Variants in APOC3 observed in about 807,000 individuals in gnomAD.
The protein encoded by APOC3 is apolipoprotein C3.
A neutral mutation model predicts 7.3 loss-of-function variants in APOC3; 6 were observed. The observed-to-expected ratio is 0.82, with a 90% CI of 0.45 to 1.61. The LOEUF (loss-of-function observed/expected upper bound fraction) is 1.61. APOC3 is among the 40% of genes most tolerant of loss of function. The probability of loss-of-function intolerance (pLI) is 0.01; values close to 1 mark genes in which losing one functional copy is unlikely to be tolerated. For synonymous variants in APOC3, 45 were observed against 51.2 expected (o/e 0.88, Z 0.52); for missense variants, 123 against 124.9 (o/e 0.98, Z 0.07).
At chr11:116,830,074 G>GC in intron 1 of APOC3, 134 bp downstream of exon 1, 1 of 194,834 alleles carries the variant, frequency 5.1e-6, no homozygotes, top group Non-Finnish European at 1.1e-5. Context: ...CTGGACGGGT[G>GC]CCCCCCACCC....
intron 2 of APOC3, 33 bp from the exon 3 acceptor site, chr11:116,830,740 G>A (rs763606461): frequency 9.3e-6 from 15 of 1,613,168 alleles, no homozygotes; most frequent in Admixed American, 3.3e-5. Flanking sequence ...TCCAGAGGCC[G>A]ATCCACCCCA....
At chr11:116,830,687 G>T in intron 2 of APOC3, 50 bp downstream of exon 2, 1 of 1,613,286 alleles carries the variant, frequency 6.2e-7, no homozygotes, top group South Asian at 1.1e-5. Flanking sequence ...GCAACTTGGG[G>T]ATCCCAGTCC....
At chr11:116,832,030 T>C (rs746755234) in intron 3 of APOC3, among the ~76,000 whole-genome samples, 1 of 152,202 alleles carries the variant, frequency 6.6e-6, no homozygotes, top group Non-Finnish European at 1.5e-5. Context: ...ACCCCTGGGC[T>C]AGGGGTTTGC....
At chr11:116,831,751 C>T (rs572252158) in intron 3 of APOC3, among the ~76,000 whole-genome samples, 1 of 152,296 alleles carries the variant, frequency 6.6e-6, no homozygotes, top group South Asian at 2.1e-4. Flanking sequence ...GACAATTTTT[C>T]CATGGGCCAG....
intron 1 of APOC3, 177 bp from the exon 2 acceptor site, chr11:116,830,393 T>C: frequency 1.5e-6 from 1 of 673,380 alleles, no homozygotes; most frequent in South Asian, 1.8e-5. Flanking sequence ...CCTTTGGGCC[T>C]CGATCCCTCG....
At chr11:116,832,634 C>A in intron 3 of APOC3, 130 bp from the exon 4 acceptor site, 2 of 1,342,928 alleles carry the variant, frequency 1.5e-6, no homozygotes, top group South Asian at 2.4e-5. Context: ...TCAGGGCTGT[C>A]GTCCAGTGAA....
intron 3 of APOC3, among the ~76,000 whole-genome samples, chr11:116,832,480 C>T (rs1941473060): frequency 6.6e-6 from 1 of 152,224 alleles, no homozygotes; most frequent in African/African-American, 2.4e-5. Flanking sequence ...TCACATCTCC[C>T]CACCCTGTCA....
At chr11:116,830,139 C>G (rs1038957245) in intron 1 of APOC3, among the ~76,000 whole-genome samples, 199 bp downstream of exon 1, 8 of 152,078 alleles carry the variant, frequency 5.3e-5, no homozygotes, top group Non-Finnish European at 1.0e-4. Context: ...TTGCCCAAAG[C>G]TACACAGGGG....
In APOC3 at chr11:116,830,598, C is replaced by T. The variant is rs897724132; in HGVS notation, c.16C>T (p.Leu6Phe). Reference protein sequence around the residue: MQPRVLLVVALLALLA... With the variant: MQPRVFLVVALLALLA... ...CAGAGGTGCCATGCAGCCCCGGGTA[C>T]TCCTTGTTGTTGCCCTCCTGGCGCT... Residue 6 changes from leucine to phenylalanine, a missense_variant, in exon 2 of 4, where the codon CTC (leucine) becomes TTC (phenylalanine). Leu to Phe is a conservative substitution (Grantham distance 22). Transcript: ENST00000227667. 1 of 1,614,042 alleles carries T rather than the reference C, an allele frequency of 6.2e-7. No homozygotes were observed. The highest frequency in any genetic ancestry group is 1.3e-5 in the African/African-American group (1 of 75,054).
At position 116,832,787 on chromosome 11, in the gene APOC3, G is replaced by A; in HGVS notation, c.203G>A (p.Ser68Asn). 1 of 1,614,144 alleles carries A rather than the reference G, an allele frequency of 6.2e-7. No homozygotes were observed. The highest frequency in any genetic ancestry group is 8.5e-7 in the Non-Finnish European group (1 of 1,180,032). ...QARGWVTDGF[S>N]SLKDYWSTVK... ...AGGGGCTGGGTGACCGATGGCTTCA[G>A]TTCCCTGAAAGACTACTGGAGCACC... The change falls in exon 4 of 4, where the codon AGT becomes AAT. Residue 68 changes from serine (S) to asparagine (N), a missense_variant. Ser to Asn is a conservative substitution (Grantham distance 46). Coordinates refer to ENST00000227667, the MANE Select transcript of APOC3 (RefSeq NM_000040.3).
chr11:116,831,209 C>CTG (rs1565336406), intron 3 of APOC3: 3 of 132,948 alleles, frequency 2.3e-5, no homozygotes, highest in East Asian at 1.3e-4. Flanking sequence ...TTCTTTCTTT[C>CTG]TTTCTTTCTT....
intron 3 of APOC3, among the ~76,000 whole-genome samples, chr11:116,832,137 C>T (rs1292755608): frequency 6.6e-6 from 1 of 152,196 alleles, no homozygotes; most frequent in Non-Finnish European, 1.5e-5. Context: ...TCCTTCCTCT[C>T]CCATCCTGCC....
chr11:116,830,725 G>T, intron 2 of APOC3, 48 bp from the exon 3 acceptor site: 1 of 1,613,166 alleles, frequency 6.2e-7, no homozygotes, highest in Non-Finnish European at 8.5e-7. Context: ...GGAGCCCAGG[G>T]CTCGTCCAGA....
intron 3 of APOC3, 143 bp from the exon 4 acceptor site, chr11:116,832,621 G>T (rs1941474320): frequency 1.7e-6 from 2 of 1,210,930 alleles, no homozygotes; most frequent in Non-Finnish European, 2.4e-6. Flanking sequence ...CCTGCCTGAG[G>T]TCTCAGGGCT....
intron 3 of APOC3, chr11:116,831,220 T>TC (rs1491513567): frequency 5.3e-6 from 1 of 187,194 alleles, no homozygotes; most frequent in African/African-American, 4.0e-5. Flanking sequence ...TTTCTTTCTT[T>TC]CTTTCTTTCT....
chr11:116,830,395 G>A (rs567387918), intron 1 of APOC3, 175 bp from the exon 2 acceptor site: 22 of 679,072 alleles, frequency 3.2e-5, no homozygotes, highest in East Asian at 1.9e-4. Context: ...TTTGGGCCTC[G>A]ATCCCTCGCC....
chr11:116,830,469 G>A (rs1941433089), intron 1 of APOC3, 101 bp from the exon 2 acceptor site: 2 of 1,267,194 alleles, frequency 1.6e-6, no homozygotes, highest in Non-Finnish European at 2.3e-6. Context: ...CCTTCTGGCA[G>A]ACCCAGCTAA....
chr11:116,832,603 G>T (rs1447358814), intron 3 of APOC3, among the ~76,000 whole-genome samples, 161 bp from the exon 4 acceptor site: 1 of 152,224 alleles, frequency 6.6e-6, no homozygotes, highest in Non-Finnish European at 1.5e-5. Flanking sequence ...TGGCAGCTGT[G>T]GGGGATTCCT....
chr11:116,831,283 C>CCTTTCTTT (rs1269269768), intron 3 of APOC3, among the ~76,000 whole-genome samples: 2 of 46,540 alleles, frequency 4.3e-5, no homozygotes, highest in African/African-American at 2.1e-4. Context: ...TTCTTTCTTT[C>CCTTTCTTT]CTTTCTTTCT....
Sources: gnomAD v4.1 joint callset for allele counts (sites outside exome capture counted in the v4.1 genomes callset) on GRCh38, gnomAD v4.1.1 for gene constraint, MANE v1.5 for transcripts, NCBI Gene and HGNC (gene_info 2026-07-23, HGNC 2026-07-21) for gene names.